SUPT20H: variants seen among roughly 807,000 people sequenced by gnomAD.
SUPT20H encodes SPT20 homolog, SAGA complex component.
SUPT20H carries 82 observed loss-of-function variants against 122.8 expected under a neutral mutation model. The ratio of observed to expected loss-of-function variants is 0.67; its 90% CI spans 0.56 to 0.80. The LOEUF is 0.80. Among genes scored for constraint, SUPT20H ranks in the 30% least tolerant of loss-of-function variants. The pLI, the probability that SUPT20H is intolerant of heterozygous loss-of-function variation, is 0.00. For synonymous variants in SUPT20H, 291 were observed against 313.0 expected (o/e 0.93, Z 0.74); for missense variants, 831 against 921.6 (o/e 0.90, Z 1.27).
intron 14 of SUPT20H, among the ~76,000 whole-genome samples, chr13:37,027,844 T>C (rs1455616673): frequency 6.6e-6 from 1 of 152,136 alleles, no homozygotes; most frequent in African/African-American, 2.4e-5. Context: ...AAACACTTCA[T>C]GTTCAAAGGT....
At chr13:37,033,324 G>C in intron 10 of SUPT20H, 125 bp downstream of exon 10, 1 of 1,170,966 alleles carries the variant, frequency 8.5e-7, no homozygotes, top group Non-Finnish European at 1.2e-6. Context: ...AACAAAGAGA[G>C]ACCTCATCTC....
intron 18 of SUPT20H, 68 bp from the exon 19 acceptor site, chr13:37,024,261 T>C: frequency 5.2e-6 from 8 of 1,531,176 alleles, no homozygotes; most frequent in Non-Finnish European, 7.0e-6. Flanking sequence ...GAAATCAAAA[T>C]GGGGCAAAGT....
intron 9 of SUPT20H, among the ~76,000 whole-genome samples, chr13:37,037,631 G>C (rs2064729884): frequency 1.3e-5 from 2 of 152,084 alleles, no homozygotes. Context: ...GGTCATAAAG[G>C]GTTATGGCAT....
At chr13:37,041,517 CA>C (rs1320349837) in intron 7 of SUPT20H, among the ~76,000 whole-genome samples, 1,295 of 85,372 alleles carry the variant, frequency 0.015, 10 homozygotes, top group Middle Eastern at 0.031. Context: ...GACTCCACCT[CA>C]AAAAAAAAAA....
chr13:37,054,481 C>T lies in SUPT20H; in HGVS notation c.-93-2898G>A, dbSNP rs9594188. Among the ~76,000 whole-genome samples the T allele has an allele frequency of 5.4e-3, 818 of 152,246 alleles. 7 individuals are homozygous for T. Among genetic ancestry groups the T allele is most frequent in the African/African-American group, 0.018 (766 of 41,526 alleles). ...GGTTCAACATACGCAAATCAATAAA[C>T]GTAATCCAGCATATGAACAGAACCC... On this transcript the variant is annotated intron_variant, in intron 1 of 25. Transcript: ENST00000350612.
chr13:37,022,304 A>G lies in SUPT20H; in HGVS notation c.1592-224T>C. 7.3e-7 allele frequency: 1 copy of G among 1,374,198 alleles called. No individual in the cohort carries two copies. Among genetic ancestry groups the G allele is most frequent in the Non-Finnish European group, 9.4e-7 (1 of 1,060,124 alleles). The allele number at this position is 1,374,198 out of a possible 1,614,324, so 85.1% of individuals were successfully genotyped here. A position where few individuals can be genotyped will look rare whatever the true frequency, so the allele number is the denominator to read the frequency against. On this transcript the variant is annotated intron_variant, in intron 19 of 25. Transcript: ENST00000350612. This position sits in a 1 kb window ranked among gnomAD's most constrained non-coding sequence, Gnocchi z 4.5. ...GGGTTGGTGTAGGAGTAGATGGCTTAGGAGTTCCAGATCCTGCTCATTGAG... is the reference window on the plus strand; with the variant it reads ...GGGTTGGTGTAGGAGTAGATGGCTTGGGAGTTCCAGATCCTGCTCATTGAG...
intron 17 of SUPT20H, 181 bp downstream of exon 17, chr13:37,025,139 A>G: frequency 1.9e-6 from 1 of 517,506 alleles, no homozygotes; most frequent in Non-Finnish European, 3.6e-6. Flanking sequence ...ATGGGGTTTC[A>G]CACTATTGGT....
intron 1 of SUPT20H, among the ~76,000 whole-genome samples, chr13:37,055,395 C>G (rs1192095271): frequency 1.3e-5 from 2 of 152,174 alleles, no homozygotes; most frequent in African/African-American, 4.8e-5. Flanking sequence ...ACCAAAACAG[C>G]ATGGTACTTG....
At chr13:37,032,814 T>A (rs1336105380) in intron 10 of SUPT20H, among the ~76,000 whole-genome samples, 1 of 152,176 alleles carries the variant, frequency 6.6e-6, no homozygotes, top group Non-Finnish European at 1.5e-5. Flanking sequence ...GGGACATTTT[T>A]AAAAGATGCC....
At chr13:37,048,677 T>C (rs2066989580) in intron 2 of SUPT20H, 78 bp from the exon 3 acceptor site, 1 of 1,317,818 alleles carries the variant, frequency 7.6e-7, no homozygotes, top group Non-Finnish European at 1.1e-6. Flanking sequence ...ACATTTCTAA[T>C]GTTTTCTAAA....
intron 1 of SUPT20H, among the ~76,000 whole-genome samples, chr13:37,052,146 A>G (rs1392258320): frequency 1.3e-5 from 2 of 152,206 alleles, no homozygotes; most frequent in East Asian, 3.8e-4. Flanking sequence ...CCATCAAGCT[A>G]CCATTAACTT....
intron 1 of SUPT20H, among the ~76,000 whole-genome samples, chr13:37,052,007 T>C (rs1566359440): frequency 6.6e-6 from 1 of 151,898 alleles, no homozygotes; most frequent in East Asian, 1.9e-4. Flanking sequence ...TGTCTGCTGA[T>C]AAAAAATCCT....
rs2061533742 is a variant in SUPT20H at position 37,022,104 on chromosome 13, G to A, written c.1592-24C>T. 5 of 1,614,038 alleles carry A rather than the reference G, an allele frequency of 3.1e-6. No individual in the cohort carries two copies. Among genetic ancestry groups the A allele is most frequent in the Non-Finnish European group, 4.2e-6 (5 of 1,180,006 alleles). On this transcript the variant is annotated intron_variant, in intron 19 of 25. Transcript: ENST00000350612. The surrounding 1 kb of genome is among the most constrained non-coding windows in gnomAD (Gnocchi z 4.5). ...TCCTGGAGTTATAGATGTTACCATG[G>A]TGGAAAGAGGAATGGTTGTTACAGG...
chr13:37,010,004 A>G (rs560683174), intron 25 of SUPT20H, among the ~76,000 whole-genome samples, 195 bp from the exon 26 acceptor site: 29 of 152,346 alleles, frequency 1.9e-4, no homozygotes, highest in South Asian at 6.2e-4. Flanking sequence ...GGCTTTAAAA[A>G]TGATTCTTGG....
At chr13:37,011,532 C>A (rs755372284) in intron 24 of SUPT20H, among the ~76,000 whole-genome samples, 2 of 152,150 alleles carry the variant, frequency 1.3e-5, no homozygotes, top group Non-Finnish European at 2.9e-5. Context: ...AAACTCCTAT[C>A]ATAGTTTTCT....
At chr13:37,019,520 C>T (rs1402857902) in intron 21 of SUPT20H, 123 bp from the exon 22 acceptor site, 5 of 532,386 alleles carry the variant, frequency 9.4e-6, no homozygotes, top group Non-Finnish European at 1.2e-5. Context: ...TGCTTATTTT[C>T]CATACTTCAA....
Position 37,024,036 on chromosome 13 carries a change from T to C in SUPT20H, c.1590A>G (p.Gln530=). ...PAALSPASSS[Q]RTTATQVMAN... ...TGAAGAATTTAAGTTATGACTCACTTTGTGATGAGCTGGCAGGTGATAGGG... is the reference window on the plus strand; with the variant it reads ...TGAAGAATTTAAGTTATGACTCACTCTGTGATGAGCTGGCAGGTGATAGGG... Residue 530 remains glutamine, a splice_region_variant and synonymous_variant, in exon 19 of 26, where the codon CAA becomes CAG. Coordinates refer to ENST00000350612, the MANE Select transcript of SUPT20H (RefSeq NM_001014286.3). 2 of 1,602,298 alleles carry C rather than the reference T, an allele frequency of 1.2e-6. No individual in the cohort carries two copies. Among genetic ancestry groups the C allele is most frequent in the South Asian group, 1.1e-5 (1 of 88,696 alleles).
intron 1 of SUPT20H, among the ~76,000 whole-genome samples, chr13:37,052,670 A>G (rs2068001743): frequency 6.6e-6 from 1 of 152,222 alleles, no homozygotes; most frequent in African/African-American, 2.4e-5. Context: ...ACAAAAGCCA[A>G]AATTGACAAA....
At position 37,047,931 on chromosome 13, in the gene SUPT20H, G is replaced by A; in HGVS notation, c.45C>T (p.Val15=). ...LELALDRAEY[V]IESARQRPPK... ...GAGGTCTCTGTCGGGCACTTTCAAT[G>A]ACATACTAAAAAACAAAAGTTTATG... The change falls in exon 4 of 26, where the codon GTC becomes GTT. Residue 15 remains valine (V), a synonymous_variant. Transcript: ENST00000350612. 1 of 1,601,386 alleles carries A rather than the reference G, an allele frequency of 6.2e-7. No individual in the cohort carries two copies. Among genetic ancestry groups the A allele is most frequent in the Non-Finnish European group, 8.5e-7 (1 of 1,173,990 alleles).
Sources: allele counts gnomAD v4.1 joint callset (sites outside exome capture counted in the v4.1 genomes callset), GRCh38; gene constraint gnomAD v4.1.1; non-coding constraint Gnocchi (gnomAD v3.1); transcripts MANE v1.5; gene names NCBI Gene and HGNC (gene_info 2026-07-23, HGNC 2026-07-21).